The following SASH1 variants were observed in gnomAD, a reference collection of about 807,000 sequenced individuals.
SASH1 encodes SAM and SH3 domain containing 1.
Under a neutral mutation model 125.2 loss-of-function variants are expected in SASH1, and 44 were observed. The observed-to-expected ratio is 0.35, with a 90% CI of 0.28 to 0.45. SASH1 has a LOEUF of 0.45. Among genes scored for constraint, SASH1 ranks in the 20% least tolerant of loss-of-function variants. The probability of loss-of-function intolerance (pLI) is 1.00; values close to 1 mark genes in which losing one functional copy is unlikely to be tolerated. For missense variants in SASH1, 1,426 were observed against 1,614.5 expected (o/e 0.88, Z 2.00); for synonymous variants, 639 against 649.1 (o/e 0.98, Z 0.24).
rs143341231 is a variant in SASH1, at chr6:148,457,255, G to A, written c.387-11290G>A. The stretch of plus-strand genomic sequence containing the variant: ...AAAAGTCAGAATTTGACCTGAAGCC[G>A]CAGACTCCAGGGGCAGCATTACAAA... On this transcript the variant is annotated intron_variant, in intron 4 of 19. Transcript: ENST00000367467. Among the ~76,000 whole-genome samples the A allele has an allele frequency of 4.8e-3, 687 of 143,396 alleles. 4 individuals are homozygous for A. The highest frequency in any genetic ancestry group is 0.025 in the Middle Eastern group (7 of 282). 94.1% of individuals were successfully genotyped at this position (143,396 alleles called of 152,430 possible).
intron 2 of SASH1, among the ~76,000 whole-genome samples, chr6:148,421,545 C>A (rs1469269790): frequency 1.3e-5 from 2 of 152,216 alleles, no homozygotes; most frequent in Non-Finnish European, 2.9e-5. Context: ...CTCAGGTGAT[C>A]CACCCACCTT....
chr6:148,362,040 A>C (rs542450834), intron 1 of SASH1, among the ~76,000 whole-genome samples: 14 of 147,614 alleles, frequency 9.5e-5, no homozygotes, highest in African/African-American at 2.8e-4. Flanking sequence ...CAGCCTCCCG[A>C]GTAGCTGGGA....
At chr6:148,372,278 C>T (rs938208296) in intron 1 of SASH1, among the ~76,000 whole-genome samples, 25 of 152,166 alleles carry the variant, frequency 1.6e-4, no homozygotes, top group Non-Finnish European at 3.4e-4. Flanking sequence ...CAATATTATG[C>T]TCCTACATTT....
chr6:148,516,488 GCGCCCC>G (rs1780444314), intron 9 of SASH1, among the ~76,000 whole-genome samples: 1 of 79,484 alleles, frequency 1.3e-5, no homozygotes, highest in African/African-American at 4.6e-5. Flanking sequence ...ACGCCAGTAG[GCGCCCC>G]CTCCCCCCTC....
At position 148,474,301 on chromosome 6, in the gene SASH1, G is replaced by C. The variant is rs1304096226; in HGVS notation, c.627+79G>C. On this transcript the variant is annotated intron_variant, in intron 7 of 19. Coordinates refer to ENST00000367467, the MANE Select transcript of SASH1 (RefSeq NM_015278.5). ...TAAAAATGTTTGCGGCCAACAAGGG[G>C]TATAGGAATCAGGTACCCATGTTGT... 3.8e-6 allele frequency: 3 copies of C among 794,040 alleles called. No homozygotes were observed. The African/African-American group carries it at 5.2e-5, about 14-fold the overall frequency. The allele number at this position is 794,040 out of a possible 1,614,324, so 49.2% of individuals were successfully genotyped here.
the SASH1 span, among the ~76,000 whole-genome samples, chr6:148,212,012 C>T: frequency 6.6e-6 from 1 of 152,196 alleles, no homozygotes; most frequent in Non-Finnish European, 1.5e-5. Context: ...TGAGGAATGT[C>T]CCCTCTCAGC....
chr6:148,344,755 C>CTTTTT (rs762490919), intron 1 of SASH1, among the ~76,000 whole-genome samples: 4 of 143,524 alleles, frequency 2.8e-5, no homozygotes, highest in Non-Finnish European at 3.0e-5. Flanking sequence ...TTTTTCTTTT[C>CTTTTT]TTTTTTTTTT....
At chr6:148,431,237 C>T (rs1193592336) in intron 2 of SASH1, among the ~76,000 whole-genome samples, 2 of 151,714 alleles carry the variant, frequency 1.3e-5, no homozygotes, top group Middle Eastern at 3.4e-3. Flanking sequence ...GTCACTCTGT[C>T]GCCCAGGCTG....
At chr6:148,512,185 A>G (rs1314676894) in intron 8 of SASH1, among the ~76,000 whole-genome samples, 2 of 151,768 alleles carry the variant, frequency 1.3e-5, no homozygotes, top group Admixed American at 1.3e-4. Context: ...CGCCCAGCTA[A>G]TTTTTTGTAT....
intron 2 of SASH1, among the ~76,000 whole-genome samples, chr6:148,405,035 C>T (rs1784321341): frequency 6.6e-6 from 1 of 152,012 alleles, no homozygotes; most frequent in South Asian, 2.1e-4. Context: ...GTTGATTCTG[C>T]TCACAGGGCG....
At chr6:148,465,239 A>G (rs1214997564) in intron 4 of SASH1, among the ~76,000 whole-genome samples, 1 of 152,158 alleles carries the variant, frequency 6.6e-6, no homozygotes, top group African/African-American at 2.4e-5. Flanking sequence ...TATTTGGTCC[A>G]TAGCAGTTAG....
chr6:148,317,795 T>C (rs1780520963), intron 1 of SASH1, among the ~76,000 whole-genome samples: 1 of 152,228 alleles, frequency 6.6e-6, no homozygotes, highest in East Asian at 1.9e-4. Flanking sequence ...TCAGGTTCCA[T>C]TCATGAAATA....
chr6:148,431,275 T>C (rs1776048656), intron 2 of SASH1, among the ~76,000 whole-genome samples: 2 of 151,978 alleles, frequency 1.3e-5, no homozygotes, highest in Non-Finnish European at 2.9e-5. Flanking sequence ...CTCGGCTCAC[T>C]GCAACCTCCT....
chr6:148,223,832 A>G, the SASH1 span, among the ~76,000 whole-genome samples: 2 of 152,220 alleles, frequency 1.3e-5, no homozygotes, highest in African/African-American at 4.8e-5. Context: ...ACTTTGGTAG[A>G]CCCACAAAAC....
chr6:148,468,840 A>G, intron 5 of SASH1: 1 of 333,038 alleles, frequency 3.0e-6, no homozygotes. Context: ...AATATTCTCT[A>G]CGTTAATACA....
At chr6:148,421,165 GAAAGAAAGAAAGAAAGAAAGAA>G (rs1562396490) in intron 2 of SASH1, among the ~76,000 whole-genome samples, 1 of 116,740 alleles carries the variant, frequency 8.6e-6, no homozygotes, top group East Asian at 2.8e-4. Flanking sequence ...AAGAAAGAAA[GAAAGAAAGAAAGAAAGAAAGAA>G]AGAAAGAAAG....
chr6:148,267,339 C>T (rs1329296145), upstream of SASH1, among the ~76,000 whole-genome samples: 1 of 145,144 alleles, frequency 6.9e-6, no homozygotes, highest in Non-Finnish European at 1.5e-5. Context: ...AGAATCTCTT[C>T]CGTGGGACCC....
In SASH1 at chr6:148,449,078, C is replaced by CTTTTTTTTTTTTTTTTT; in HGVS notation, c.386+8686_386+8687insTTTTTTTTTTTTTTTTT. 6.0e-4 allele frequency among the ~76,000 whole-genome samples: 53 copies of CTTTTTTTTTTTTTTTTT among 88,686 alleles called. 5 individuals are homozygous for CTTTTTTTTTTTTTTTTT. The highest frequency in any genetic ancestry group is 1.1e-3 in the Admixed American group (9 of 8,274). The allele number at this position is 88,686 out of a possible 152,430, so 58.2% of individuals were successfully genotyped here. A position where few individuals can be genotyped will look rare whatever the true frequency, so the allele number is the denominator to read the frequency against. ...GAGACTGGCTAATTTCATTTCATTTCTTTTTTTTTTTTTTTGGAGACAGAG... is the reference window on the plus strand; with the variant it reads ...GAGACTGGCTAATTTCATTTCATTTCTTTTTTTTTTTTTTTTTTTTTTTTTTTTTTTTGGAGACAGAG... On this transcript the variant is annotated intron_variant, in intron 4 of 19. Coordinates refer to ENST00000367467, the MANE Select transcript of SASH1 (RefSeq NM_015278.5).
chr6:148,508,507 CAG>C (rs762826192), intron 8 of SASH1: 42 of 1,011,816 alleles, frequency 4.2e-5, no homozygotes, highest in South Asian at 1.2e-4. Context: ...TCAGTGAAAA[CAG>C]GGATTGTTGG....
Sources: allele counts gnomAD v4.1 joint callset (sites outside exome capture counted in the v4.1 genomes callset), GRCh38; gene constraint gnomAD v4.1.1; transcripts MANE v1.5; gene names NCBI Gene and HGNC (gene_info 2026-07-23, HGNC 2026-07-21).